EPHA6: variants seen among roughly 807,000 people sequenced by gnomAD.
EPHA6 encodes the protein EPH receptor A6.
A neutral mutation model predicts 112.0 loss-of-function variants in EPHA6; 50 were observed. That is an observed-to-expected ratio of 0.45 (90% CI 0.36 to 0.56). The LOEUF is 0.56. Ranked by LOEUF, EPHA6 falls within the 20% of genes least tolerant of loss-of-function variation. The probability of loss-of-function intolerance (pLI) is 0.00; values close to 1 mark genes in which losing one functional copy is unlikely to be tolerated. For missense variants in EPHA6, 1,280 were observed against 1,417.4 expected, an observed-to-expected ratio of 0.90 and a Z score of 1.56; for synonymous variants, 529 against 490.7, an observed-to-expected ratio of 1.08 and a Z score of -1.03.
At chr3:97,255,097 G>T (rs2079264764) in intron 5 of EPHA6, among the ~76,000 whole-genome samples, 1 of 152,016 alleles carries the variant, frequency 6.6e-6, no homozygotes, top group South Asian at 2.1e-4. Context: ...GGTCACAAAG[G>T]AGTGACAGTA....
intron 6 of EPHA6, among the ~76,000 whole-genome samples, chr3:97,421,894 C>G (rs771932039): frequency 6.6e-6 from 1 of 151,576 alleles, no homozygotes; most frequent in Non-Finnish European, 1.5e-5. Context: ...GTAATAGGTA[C>G]TGGGTAATGT....
At chr3:97,554,699 A>G (rs978872864) in intron 11 of EPHA6, among the ~76,000 whole-genome samples, 5 of 152,014 alleles carry the variant, frequency 3.3e-5, no homozygotes, top group Admixed American at 1.3e-4. Flanking sequence ...GAGGTAGAAC[A>G]CTGCTTGCAG....
At chr3:97,157,927 C>A (rs2108391789) in intron 3 of EPHA6, among the ~76,000 whole-genome samples, 1 of 152,268 alleles carries the variant, frequency 6.6e-6, no homozygotes, top group East Asian at 1.9e-4. Context: ...TCTAGGTATT[C>A]CATGGCTCAG....
chr3:96,863,479 C>G (rs563026738), intron 1 of EPHA6, among the ~76,000 whole-genome samples: 2 of 151,800 alleles, frequency 1.3e-5, no homozygotes, highest in Non-Finnish European at 2.9e-5. Context: ...AAATATAATT[C>G]ACCTGTCTGA....
At chr3:97,540,880 T>C (rs942467147) in intron 11 of EPHA6, among the ~76,000 whole-genome samples, 4 of 152,200 alleles carry the variant, frequency 2.6e-5, no homozygotes, top group Non-Finnish European at 5.9e-5. Context: ...TGATTTGTTC[T>C]AGATAAAGAG....
intron 3 of EPHA6, among the ~76,000 whole-genome samples, chr3:97,074,827 C>A (rs1007712422): frequency 6.6e-6 from 1 of 151,880 alleles, no homozygotes; most frequent in African/African-American, 2.4e-5. Context: ...CTCTGGATAT[C>A]TAAAAACAGT....
At chr3:97,017,431 G>A (rs2044300721) in intron 3 of EPHA6, among the ~76,000 whole-genome samples, 2 of 152,300 alleles carry the variant, frequency 1.3e-5, no homozygotes, top group South Asian at 4.1e-4. Flanking sequence ...TCAGCTAGAA[G>A]GGAATTGTCC....
intron 10 of EPHA6, among the ~76,000 whole-genome samples, chr3:97,528,652 A>G (rs1018457593): frequency 6.6e-6 from 1 of 152,168 alleles, no homozygotes; most frequent in Non-Finnish European, 1.5e-5. Flanking sequence ...AACTTTGGAA[A>G]GCCTCAAAGT....
chr3:96,856,200 A>G (rs2035687222), intron 1 of EPHA6, among the ~76,000 whole-genome samples: 3 of 152,048 alleles, frequency 2.0e-5, no homozygotes. Flanking sequence ...AGATCGCGCC[A>G]CTGCACATCA....
rs562801405 is a variant in EPHA6 at position 96,907,125 on chromosome 3, A to G, written c.450+40236A>G. Among the ~76,000 whole-genome samples the G allele has an allele frequency of 3.9e-5, 6 of 151,954 alleles. No individual in the cohort carries two copies. In the South Asian group the frequency reaches 1.0e-3, roughly 26 times the overall value. ...AAGGATCTGCAGAAATTAAAAAAAC[A>G]TATATACAATGGGCATGTCTTTGAT... On this transcript the variant is annotated intron_variant, in intron 2 of 17. Transcript: ENST00000389672.
At chr3:97,462,426 C>G (rs1448280358) in intron 7 of EPHA6, among the ~76,000 whole-genome samples, 1 of 152,088 alleles carries the variant, frequency 6.6e-6, no homozygotes, top group Non-Finnish European at 1.5e-5. Flanking sequence ...GTAATTCTGG[C>G]AAAAGACCTT....
At chr3:97,698,025 G>A (rs973991012) in intron 14 of EPHA6, among the ~76,000 whole-genome samples, 33 of 152,202 alleles carry the variant, frequency 2.2e-4, no homozygotes, top group Middle Eastern at 3.4e-3. Context: ...TTTTTGAGAC[G>A]GAGTTTCACT....
chr3:97,480,906 TCTC>T (rs1295007296), intron 9 of EPHA6, among the ~76,000 whole-genome samples: 2 of 149,772 alleles, frequency 1.3e-5, no homozygotes, highest in Non-Finnish European at 3.0e-5. Context: ...GCTCCCCACA[TCTC>T]AGACAATGGG....
At chr3:97,015,449 A>G (rs2044231763) in intron 3 of EPHA6, among the ~76,000 whole-genome samples, 1 of 152,158 alleles carries the variant, frequency 6.6e-6, no homozygotes, top group African/African-American at 2.4e-5. Context: ...CAGGAAAATT[A>G]TGAGGGTCTG....
chr3:97,327,993 A>C (rs1458881560), intron 5 of EPHA6, among the ~76,000 whole-genome samples: 1 of 137,926 alleles, frequency 7.3e-6, no homozygotes, highest in Non-Finnish European at 1.5e-5. Flanking sequence ...ATATATGTAT[A>C]TGTGTATGTA....
rs776828097 is a variant in EPHA6 at position 97,405,197 on chromosome 3, A to G, written c.1654A>G (p.Ser552Gly). The change falls in exon 6 of 18, where the codon AGC becomes GGC. Residue 552 changes from serine to glycine, a missense_variant. This residue lies in a region of EPHA6 where 878 missense variants were observed against 999.7 expected (regional missense o/e 0.88). Transcript: ENST00000389672. The stretch of plus-strand genomic sequence containing the variant: ...AAGGAAGGACTGGGCATCCCAAAAT[A>G]GCATTGCCCTATCATGGCAAGCACC... ...VVRKDWASQNSIALSWQAPAF... is the reference protein window; with the variant it reads ...VVRKDWASQNGIALSWQAPAF... 1.1e-5 allele frequency: 17 copies of G among 1,607,680 alleles called. No homozygotes were observed. The African/African-American group carries it at 2.3e-4, about 21-fold the overall frequency.
chr3:96,871,689 G>A (rs529427577), intron 2 of EPHA6, among the ~76,000 whole-genome samples: 10 of 152,054 alleles, frequency 6.6e-5, no homozygotes, highest in African/African-American at 2.4e-4. Context: ...GGAAGTGGTG[G>A]TGGACATGGT....
chr3:97,734,469 A>T (rs2035171837), intron 15 of EPHA6, among the ~76,000 whole-genome samples: 1 of 152,068 alleles, frequency 6.6e-6, no homozygotes, highest in Non-Finnish European at 1.5e-5. Flanking sequence ...CAGTAATAAA[A>T]TATAAAGTGA....
intron 14 of EPHA6, among the ~76,000 whole-genome samples, chr3:97,707,672 A>G (rs1207044954): frequency 6.6e-6 from 1 of 152,104 alleles, no homozygotes. Flanking sequence ...ATATAATATG[A>G]TTTGGCTATA....
Sources: allele counts gnomAD v4.1 joint callset (sites outside exome capture counted in the v4.1 genomes callset), GRCh38; gene constraint gnomAD v4.1.1; regional missense constraint gnomAD v4.1.1; transcripts MANE v1.5; gene names NCBI Gene and HGNC (gene_info 2026-07-23, HGNC 2026-07-21).